KCTD2: variants seen among roughly 807,000 people sequenced by gnomAD.
KCTD2 encodes potassium channel tetramerization domain containing 2, also known as BTB/POZ domain-containing protein KCTD2.
A neutral mutation model predicts 27.9 loss-of-function variants in KCTD2; 18 were observed. The ratio of observed to expected loss-of-function variants is 0.64; its 90% CI spans 0.45 to 0.96. The LOEUF (loss-of-function observed/expected upper bound fraction) is 0.96, where lower values mean the gene tolerates loss of function less well. Ranked by LOEUF, KCTD2 falls within the 40% of genes least tolerant of loss-of-function variation. The pLI, the probability that KCTD2 is intolerant of heterozygous loss-of-function variation, is 0.00. For missense variants in KCTD2, 280 were observed against 348.0 expected (o/e 0.80, Z 1.56); for synonymous variants, 175 against 148.4 (o/e 1.18, Z -1.30).
intron 3 of KCTD2, among the ~76,000 whole-genome samples, chr17:75,056,816 C>T (rs1016426205): frequency 6.6e-6 from 1 of 152,048 alleles, no homozygotes; most frequent in South Asian, 2.1e-4. Context: ...TTGAACTTAC[C>T]TGTAGCCCCT....
intron 3 of KCTD2, chr17:75,040,035 T>C: frequency 3.8e-6 from 6 of 1,577,334 alleles, no homozygotes; most frequent in Non-Finnish European, 5.2e-6. Context: ...TTAGCTATAA[T>C]AGAGAGCTGT....
intron 4 of KCTD2, chr17:75,060,766 A>C (rs2073397043): frequency 3.2e-6 from 2 of 616,730 alleles, no homozygotes; most frequent in Non-Finnish European, 5.4e-6. Flanking sequence ...GATTATGCCT[A>C]CTTATGTGTA....
At chr17:75,033,273 G>A (rs780728997) in intron 1 of KCTD2, among the ~76,000 whole-genome samples, 4 of 151,882 alleles carry the variant, frequency 2.6e-5, no homozygotes, top group Non-Finnish European at 4.4e-5. Flanking sequence ...CACCGCACCC[G>A]GTCTGTAGCC....
chr17:75,052,966 C>T (rs778128903), intron 2 of KCTD2, 48 bp from the exon 3 acceptor site: 1 of 1,394,702 alleles, frequency 7.2e-7, no homozygotes, highest in Non-Finnish European at 1.0e-6. Flanking sequence ...TGGTGTTTTT[C>T]TGGCAAACCC....
Position 75,047,359 on chromosome 17 carries a change from G to A in KCTD2, c.109G>A (p.Ala37Thr). Reference sequence around the variant, plus strand: ...CCGCGGGCCCCCCAGCCCACGCCCGGCTGGCCCCACGCCCCGCGGGCACGG... The same window carrying A: ...CCGCGGGCCCCCCAGCCCACGCCCGACTGGCCCCACGCCCCGCGGGCACGG... The part of the protein sequence containing the change: ...PVRGPPSPRP[A>T]GPTPRGHGRP... Residue 37 changes from alanine (A) to threonine (T), a missense_variant, in exon 1 of 6, where the codon GCT becomes ACT. Ala to Thr is a moderately conservative substitution (Grantham distance 58, BLOSUM62 0). Coordinates refer to ENST00000322444, the MANE Select transcript of KCTD2 (RefSeq NM_015353.3). 2 of 1,136,596 alleles carry A rather than the reference G, an allele frequency of 1.8e-6. No homozygotes were observed. The highest frequency in any genetic ancestry group is 2.2e-6 in the Non-Finnish European group (2 of 927,812). 70.4% of individuals were successfully genotyped at this position (1,136,596 alleles called of 1,614,324 possible). A position where few individuals can be genotyped will look rare whatever the true frequency, so the allele number is the denominator to read the frequency against.
chr17:75,037,345 G>GAAA (rs56310455), intron 3 of KCTD2, among the ~76,000 whole-genome samples: 6 of 84,694 alleles, frequency 7.1e-5, no homozygotes, highest in African/African-American at 2.1e-4. Flanking sequence ...TTCCATATCA[G>GAAA]AAAAAAAAAA....
At position 75,049,269 on chromosome 17, in the gene KCTD2, C is replaced by G; in HGVS notation, c.389C>G (p.Pro130Arg). The G allele has an allele frequency of 1.2e-6, 2 of 1,613,950 alleles. No individual in the cohort carries two copies. The highest frequency in any genetic ancestry group is 1.7e-6 in the Non-Finnish European group (2 of 1,179,834). The change falls in exon 2 of 6, where the codon CCT (proline) becomes CGT (arginine). Residue 130 changes from proline to arginine, a missense_variant. Transcript: ENST00000322444. ...GACAGGGACCCCACCTACTTTGGTC[C>G]TATCCTCAACTACCTCCGCCACGGG... The part of the protein sequence containing the change: ...LIDRDPTYFG[P>R]ILNYLRHGKL...
chr17:75,050,374 G>C (rs529318474), intron 2 of KCTD2, among the ~76,000 whole-genome samples: 1 of 152,062 alleles, frequency 6.6e-6, no homozygotes, highest in Admixed American at 6.6e-5. Flanking sequence ...CGATTCTCCT[G>C]CCTCAGCCTC....
At chr17:75,034,338 C>T (rs2040092448) in intron 2 of KCTD2, among the ~76,000 whole-genome samples, 1 of 152,048 alleles carries the variant, frequency 6.6e-6, no homozygotes, top group Non-Finnish European at 1.5e-5. Context: ...GCAAACAGGG[C>T]AGAGGCAAGC....
chr17:75,060,592 C>G (rs917418793), intron 4 of KCTD2: 1 of 1,608,686 alleles, frequency 6.2e-7, no homozygotes, highest in Non-Finnish European at 8.5e-7. Flanking sequence ...TGGCCGGCGC[C>G]GGCCTCCCCG....
intron 3 of KCTD2, chr17:75,040,084 C>T: frequency 6.2e-7 from 1 of 1,613,710 alleles, no homozygotes; most frequent in Non-Finnish European, 8.5e-7. Flanking sequence ...GGAGCCTCAA[C>T]TACTTACATC....
chr17:75,047,713 C>G (rs2073241045), intron 1 of KCTD2, 124 bp downstream of exon 1: 3 of 885,292 alleles, frequency 3.4e-6, no homozygotes, highest in Non-Finnish European at 5.0e-6. Context: ...CCCATCCTCC[C>G]CCTCCCTCCC....
intron 1 of KCTD2, chr17:75,033,992 C>T (rs972043597): frequency 1.3e-5 from 2 of 152,200 alleles, no homozygotes; most frequent in African/African-American, 4.8e-5. Context: ...GTGAAAGTTC[C>T]TTTTACGGAA....
At chr17:75,039,278 GAAGA>G (rs1471275142) in intron 3 of KCTD2, 1 of 1,613,898 alleles carries the variant, frequency 6.2e-7, no homozygotes, top group South Asian at 1.1e-5. Flanking sequence ...TCACCTTTAA[GAAGA>G]AAGAGAAATT....
chr17:75,056,952 C>CTTTT (rs35875644), intron 3 of KCTD2, among the ~76,000 whole-genome samples: 7 of 107,990 alleles, frequency 6.5e-5, no homozygotes, highest in African/African-American at 1.4e-4. Flanking sequence ...TTTCTTTTTT[C>CTTTT]TTTTTTTTTT....
intron 3 of KCTD2, among the ~76,000 whole-genome samples, chr17:75,055,260 G>A (rs1269914616): frequency 6.6e-6 from 1 of 151,826 alleles, no homozygotes; most frequent in South Asian, 2.1e-4. Context: ...TCGCCATATT[G>A]ACCAGGCTGG....
At chr17:75,040,321 C>A in intron 3 of KCTD2, 1 of 778,946 alleles carries the variant, frequency 1.3e-6, no homozygotes, top group South Asian at 1.6e-5. Flanking sequence ...GAAACGAATA[C>A]GCATCTCAAT....
intron 3 of KCTD2, chr17:75,040,081 C>T (rs746529154): frequency 1.8e-5 from 29 of 1,613,576 alleles, no homozygotes; most frequent in Middle Eastern, 1.7e-4. Flanking sequence ...GCAGGAGCCT[C>T]AACTACTTAC....
chr17:75,055,124 G>A (rs548366500), intron 3 of KCTD2, among the ~76,000 whole-genome samples: 28 of 151,888 alleles, frequency 1.8e-4, no homozygotes, highest in Non-Finnish European at 8.8e-5. Context: ...GCATGATCTC[G>A]GCTTACTGCA....
Sources: gnomAD v4.1 joint callset for allele counts (sites outside exome capture counted in the v4.1 genomes callset) on GRCh38, gnomAD v4.1.1 for gene constraint, MANE v1.5 for transcripts, NCBI Gene and HGNC (gene_info 2026-07-23, HGNC 2026-07-21) for gene names.